The following MTSS1 variants were observed in gnomAD, a reference collection of about 807,000 sequenced individuals.
MTSS1 encodes MTSS I-BAR domain containing 1, also known as protein MTSS 1.
In MTSS1, 18 loss-of-function variants were observed where a neutral mutation model predicts 79.0. That is an observed-to-expected ratio of 0.23 (90% CI 0.16 to 0.34). The LOEUF is 0.34. MTSS1 is among the 10% of genes least tolerant of loss of function. The pLI, the probability that MTSS1 is intolerant of heterozygous loss-of-function variation, is 1.00. For missense variants in MTSS1, 815 were observed against 986.2 expected (o/e 0.83, Z 2.33); for synonymous variants, 341 against 368.6 (o/e 0.93, Z 0.86).
rs182859839 is a variant in MTSS1 at position 124,636,427 on chromosome 8, C to T, written c.209-45192G>A. Among the ~76,000 whole-genome samples, 415 of 152,294 alleles carry T rather than the reference C, an allele frequency of 2.7e-3. 1 individual carries two copies. Among genetic ancestry groups the T allele is most frequent in the African/African-American group, 9.3e-3 (388 of 41,568 alleles). ...ATTACAGGTGTGAGTCACTGCACCCCGCCAAAGTTTGGTGGCCTTTCTCTA... is the reference window on the plus strand; with the variant it reads ...ATTACAGGTGTGAGTCACTGCACCCTGCCAAAGTTTGGTGGCCTTTCTCTA... On this transcript the variant is annotated intron_variant, in intron 3 of 13. Transcript: ENST00000518547.
chr8:124,565,863 G>T, intron 8 of MTSS1, 104 bp from the exon 9 acceptor site: 2 of 952,316 alleles, frequency 2.1e-6, no homozygotes, highest in Non-Finnish European at 3.1e-6. Context: ...CATCGTGGGG[G>T]TGGGAATGAA....
intron 1 of MTSS1, among the ~76,000 whole-genome samples, chr8:124,723,862 C>T (rs1480742133): frequency 6.6e-6 from 1 of 152,218 alleles, no homozygotes; most frequent in Non-Finnish European, 1.5e-5. Context: ...GAGCACCTGG[C>T]TGAGGCCTTG....
intron 3 of MTSS1, among the ~76,000 whole-genome samples, chr8:124,618,439 T>C (rs1234082630): frequency 1.3e-5 from 2 of 152,240 alleles, no homozygotes; most frequent in Non-Finnish European, 2.9e-5. Context: ...TTCCCAAAGA[T>C]GACTTCAACA....
At chr8:124,676,771 C>G (rs1469476837) in intron 3 of MTSS1, among the ~76,000 whole-genome samples, 1 of 152,166 alleles carries the variant, frequency 6.6e-6, no homozygotes, top group Non-Finnish European at 1.5e-5. Flanking sequence ...CGAGTGCAAT[C>G]ACAGTAGGTT....
chr8:124,590,688 C>T (rs1831698373), intron 4 of MTSS1, among the ~76,000 whole-genome samples: 1 of 152,234 alleles, frequency 6.6e-6, no homozygotes, highest in African/African-American at 2.4e-5. Flanking sequence ...ACCATTTCTT[C>T]CCTATTCTGG....
At chr8:124,606,086 G>A (rs1170234555) in intron 3 of MTSS1, among the ~76,000 whole-genome samples, 1 of 147,040 alleles carries the variant, frequency 6.8e-6, no homozygotes, top group Non-Finnish European at 1.5e-5. Context: ...AGAGATTCTT[G>A]TGCCTCAGCC....
intron 1 of MTSS1, among the ~76,000 whole-genome samples, chr8:124,711,956 C>T (rs113572367): frequency 0.014 from 2,039 of 150,284 alleles, 38 homozygotes; most frequent in African/African-American, 0.047. Context: ...TACAATGAGC[C>T]GAGATCACGC....
chr8:124,724,843 C>T (rs914357459), intron 1 of MTSS1, among the ~76,000 whole-genome samples: 2 of 152,196 alleles, frequency 1.3e-5, no homozygotes, highest in African/African-American at 4.8e-5. Flanking sequence ...GTCTACACAT[C>T]GGAAGGCAGT....
Position 124,582,949 on chromosome 8 carries a change from T to G in MTSS1, c.460+2138A>C, listed in dbSNP as rs933527647. ...CTCTAGTACCTTTCAGAAGGCTGCT[T>G]TCATCCCAGAAATATACAAATAGAA... is the stretch of plus-strand genomic sequence containing the variant. On this transcript the variant is annotated intron_variant, in intron 6 of 13. Transcript: ENST00000518547. The surrounding 1 kb of genome is among the most constrained non-coding windows in gnomAD (Gnocchi z 4.8). Among the ~76,000 whole-genome samples the G allele has an allele frequency of 2.7e-4, 41 of 152,202 alleles. No individual in the cohort carries two copies. Among genetic ancestry groups the G allele is most frequent in the Admixed American group, 1.6e-3 (24 of 15,276 alleles).
Position 124,683,651 on chromosome 8 carries a change from C to G in MTSS1, c.208+15875G>C, listed in dbSNP as rs1375108741. ...AGCCCACTGCCATATCTGAATCTGG[C>G]TGCAAATCTGTCAAGACACAGGGCG... On this transcript the variant is annotated intron_variant, in intron 3 of 13. Coordinates refer to ENST00000518547, the MANE Select transcript of MTSS1 (RefSeq NM_014751.6). The surrounding 1 kb of genome is among the most constrained non-coding windows in gnomAD (Gnocchi z 4.5). 6.6e-6 allele frequency among the ~76,000 whole-genome samples: 1 copy of G among 152,222 alleles called. No individual in the cohort carries two copies. The highest frequency in any genetic ancestry group is 1.5e-5 in the Non-Finnish European group (1 of 68,048).
intron 3 of MTSS1, among the ~76,000 whole-genome samples, chr8:124,677,328 C>A (rs1825472098): frequency 6.6e-6 from 1 of 152,192 alleles, no homozygotes; most frequent in Non-Finnish European, 1.5e-5. Flanking sequence ...AAAGTGAAAT[C>A]AGGGACATTC....
chr8:124,622,823 A>T (rs1222148248), intron 3 of MTSS1, among the ~76,000 whole-genome samples: 1 of 152,172 alleles, frequency 6.6e-6, no homozygotes, highest in African/African-American at 2.4e-5. Context: ...ATTATGAGAA[A>T]TGATAGATAT....
intron 3 of MTSS1, among the ~76,000 whole-genome samples, chr8:124,625,843 C>A (rs985207585): frequency 6.6e-6 from 1 of 152,222 alleles, no homozygotes; most frequent in Non-Finnish European, 1.5e-5. Context: ...AAACCCTCAT[C>A]CACAACACTG....
intron 3 of MTSS1, 69 bp from the exon 4 acceptor site, chr8:124,591,304 C>G: frequency 1.5e-6 from 2 of 1,308,950 alleles, no homozygotes; most frequent in Non-Finnish European, 2.2e-6. Context: ...CTTTAGAGAA[C>G]TTTACAAACA....
intron 6 of MTSS1, chr8:124,577,512 C>T (rs937560602): frequency 2.2e-5 from 11 of 508,786 alleles, no homozygotes; most frequent in Non-Finnish European, 3.9e-5. Flanking sequence ...GCTGGGATTA[C>T]AGGCATGAGC....
At chr8:124,663,567 ACTCT>A (rs1294043282) in intron 3 of MTSS1, among the ~76,000 whole-genome samples, 3 of 149,860 alleles carry the variant, frequency 2.0e-5, no homozygotes, top group Non-Finnish European at 3.0e-5. Flanking sequence ...TTCTCCCCAC[ACTCT>A]TTAAAGCAAT....
At chr8:124,667,771 G>A (rs1343651997) in intron 3 of MTSS1, among the ~76,000 whole-genome samples, 1 of 152,114 alleles carries the variant, frequency 6.6e-6, no homozygotes, top group Non-Finnish European at 1.5e-5. Flanking sequence ...ACTGCACTCC[G>A]AGCTAAGATT....
chr8:124,675,128 G>A (rs926567099), intron 3 of MTSS1, among the ~76,000 whole-genome samples: 2 of 152,266 alleles, frequency 1.3e-5, no homozygotes, highest in African/African-American at 4.8e-5. Flanking sequence ...GGTATGTGGA[G>A]GAGCTTTGAC....
At chr8:124,558,516 T>C (rs1824524362) in intron 10 of MTSS1, among the ~76,000 whole-genome samples, 1 of 152,136 alleles carries the variant, frequency 6.6e-6, no homozygotes, top group Admixed American at 6.5e-5. Flanking sequence ...GAGACAACCA[T>C]GTGGTCATTG....
Sources: gnomAD v4.1 joint callset for allele counts (sites outside exome capture counted in the v4.1 genomes callset) on GRCh38, gnomAD v4.1.1 for gene constraint, Gnocchi (gnomAD v3.1) non-coding constraint, MANE v1.5 for transcripts, NCBI Gene and HGNC (gene_info 2026-07-23, HGNC 2026-07-21) for gene names.